The following BIN1 variants were observed in gnomAD, a reference collection of about 807,000 sequenced individuals.
BIN1 encodes the protein myc box-dependent-interacting protein 1.
Under a neutral mutation model 82.0 loss-of-function variants are expected in BIN1, and 53 were observed. That is an observed-to-expected ratio of 0.65 (90% CI 0.52 to 0.81). The LOEUF is 0.81. Among genes scored for constraint, BIN1 ranks in the 40% least tolerant of loss-of-function variants. The pLI, the probability that BIN1 is intolerant of heterozygous loss-of-function variation, is 0.00. For missense variants in BIN1, 642 were observed against 784.4 expected (o/e 0.82, Z 2.17); for synonymous variants, 302 against 328.0 (o/e 0.92, Z 0.86).
At chr2:127,072,152 G>T (rs1006185063) in intron 2 of BIN1, among the ~76,000 whole-genome samples, 3 of 152,240 alleles carry the variant, frequency 2.0e-5, no homozygotes, top group African/African-American at 7.2e-5. Context: ...CTTCATGCTT[G>T]CGCAAGAGCC....
At chr2:127,105,506 C>A in intron 1 of BIN1, among the ~76,000 whole-genome samples, 1 of 131,886 alleles carries the variant, frequency 7.6e-6, no homozygotes, top group African/African-American at 2.7e-5. Context: ...CTCCTCCTTC[C>A]CTGGGGTGGG....
chr2:127,103,749 G>A (rs978202658), intron 1 of BIN1, among the ~76,000 whole-genome samples: 2 of 152,062 alleles, frequency 1.3e-5, no homozygotes, highest in South Asian at 2.1e-4. Flanking sequence ...AATCCTCCCC[G>A]TCATCTGACC....
chr2:127,067,745 G>A lies in BIN1; in HGVS notation c.612+418C>T, dbSNP rs1196312865. Among the ~76,000 whole-genome samples, 1 of 152,184 alleles carries A rather than the reference G, an allele frequency of 6.6e-6. No homozygotes were observed. Among genetic ancestry groups the A allele is most frequent in the African/African-American group, 2.4e-5 (1 of 41,440 alleles). The stretch of plus-strand genomic sequence containing the variant: ...TGTGCCTCTCTGGGCAGCTTTCTCT[G>A]CTCAGTAAATTCAAGATGATCTCAG... On this transcript the variant is annotated intron_variant, in intron 7 of 18. Coordinates refer to ENST00000316724, the MANE Select transcript of BIN1 (RefSeq NM_139343.3). This position sits in a 1 kb window ranked among gnomAD's most constrained non-coding sequence, Gnocchi z 4.7.
rs1685371971 is a variant in BIN1 at position 127,068,082 on chromosome 2, C to T, written c.612+81G>A. 7.1e-7 allele frequency: 1 copy of T among 1,417,504 alleles called. No individual in the cohort carries two copies. The highest frequency in any genetic ancestry group is 1.2e-5 in the South Asian group (1 of 82,430). The allele number at this position is 1,417,504 out of a possible 1,614,324, so 87.8% of individuals were successfully genotyped here. A position where few individuals can be genotyped will look rare whatever the true frequency, so the allele number is the denominator to read the frequency against. On this transcript the variant is annotated intron_variant, in intron 7 of 18. Coordinates refer to ENST00000316724, the MANE Select transcript of BIN1 (RefSeq NM_139343.3). The surrounding 1 kb of genome is among the most constrained non-coding windows in gnomAD (Gnocchi z 4.9). ...GCCCCAGCTGGGCTCAGATGCCAGC[C>T]CTGCATTCCACCGCAGGGCGAGAGG...
chr2:127,073,993 G>A (rs1056565890), intron 2 of BIN1, among the ~76,000 whole-genome samples: 1 of 143,196 alleles, frequency 7.0e-6, no homozygotes, highest in Non-Finnish European at 1.6e-5. Flanking sequence ...GGTCCTTGGA[G>A]AGCAGGTGAC....
At chr2:127,066,420 G>A (rs1685161730) in intron 7 of BIN1, among the ~76,000 whole-genome samples, 1 of 152,192 alleles carries the variant, frequency 6.6e-6, no homozygotes, top group South Asian at 2.1e-4. Flanking sequence ...ACCTGTCCCA[G>A]GAGCCCAAAA....
intron 9 of BIN1, 88 bp from the exon 10 acceptor site, chr2:127,062,285 C>T (rs1010888867): frequency 1.1e-5 from 14 of 1,252,618 alleles, no homozygotes; most frequent in East Asian, 1.0e-4. Context: ...CTCCCCACCA[C>T]CCCCAGCCCC....
rs1275996958 is a variant in BIN1 at position 127,071,494 on chromosome 2, AG to A, written c.166-679del. 2.6e-5 allele frequency among the ~76,000 whole-genome samples: 4 copies of A among 152,312 alleles called. No individual in the cohort carries two copies. The East Asian group carries it at 5.8e-4, about 22-fold the overall frequency. ...GGCTGGGTGGTGAAGCTCCCTGAGC[AG>A]GGAGAGTGTCCTCCAGGGGCTTCCT... On this transcript the variant is annotated intron_variant, in intron 2 of 18. Coordinates refer to ENST00000316724, the MANE Select transcript of BIN1 (RefSeq NM_139343.3).
At position 127,048,312 on chromosome 2, in the gene BIN1, C is replaced by T. The variant is rs886054832; in HGVS notation, c.*214G>A. The T allele has an allele frequency of 7.0e-6, 4 of 569,654 alleles. No homozygotes were observed. Among genetic ancestry groups the T allele is most frequent in the Admixed American group, 5.9e-5 (2 of 33,922 alleles). The allele number at this position is 569,654 out of a possible 1,614,324, so 35.3% of individuals were successfully genotyped here. ...ACTCAACTAGAGGACACAGCAGCTT[C>T]AGGAACACTGGTGAATTCCGCCGGA... On this transcript the variant is annotated 3_prime_UTR_variant, in exon 19 of 19. Transcript: ENST00000316724.
At chr2:127,105,498 C>CCTCCTCCTCCTCCTCCTT in intron 1 of BIN1, among the ~76,000 whole-genome samples, 1 of 136,782 alleles carries the variant, frequency 7.3e-6, no homozygotes, top group Admixed American at 7.2e-5. Flanking sequence ...TCCTCCTCCT[C>CCTCCTCCTCCTCCTCCTT]CTCCTTCCCT....
chr2:127,058,876 C>T, intron 11 of BIN1, 135 bp downstream of exon 11: 2 of 1,359,202 alleles, frequency 1.5e-6, no homozygotes, highest in Non-Finnish European at 2.0e-6. Context: ...GGCCCAACCC[C>T]CACTGGGCAA....
rs1460078913 is a variant in BIN1 at position 127,090,263 on chromosome 2, T to C, written c.85-13557A>G. 1.3e-5 allele frequency among the ~76,000 whole-genome samples: 2 copies of C among 152,196 alleles called. No homozygotes were observed. Among genetic ancestry groups the C allele is most frequent in the Non-Finnish European group, 2.9e-5 (2 of 68,028 alleles). On this transcript the variant is annotated intron_variant, in intron 1 of 18. Coordinates refer to ENST00000316724, the MANE Select transcript of BIN1 (RefSeq NM_139343.3). The surrounding 1 kb of genome is among the most constrained non-coding windows in gnomAD (Gnocchi z 6.4). ...ACCAAACAGCTGAAGACAGTGGCCA[T>C]CGCAGCAAGGCCAGCCTGGTGCAAC...
At chr2:127,079,874 A>C (rs1398417572) in intron 1 of BIN1, among the ~76,000 whole-genome samples, 1 of 152,082 alleles carries the variant, frequency 6.6e-6, no homozygotes, top group Non-Finnish European at 1.5e-5. Flanking sequence ...TCCCAGACAA[A>C]ATGGAAGGGT....
At position 127,067,940 on chromosome 2, in the gene BIN1, T is replaced by C. The variant is rs369153836; in HGVS notation, c.612+223A>G. On this transcript the variant is annotated intron_variant, in intron 7 of 18. Coordinates refer to ENST00000316724, the MANE Select transcript of BIN1 (RefSeq NM_139343.3). This position sits in a 1 kb window ranked among gnomAD's most constrained non-coding sequence, Gnocchi z 4.7. ...CACAGATGCAGCCACGGAGCGGGCATAGCTATGCCCCCACCCAGGTCACAC... is the reference window on the plus strand; with the variant it reads ...CACAGATGCAGCCACGGAGCGGGCACAGCTATGCCCCCACCCAGGTCACAC... Among the ~76,000 whole-genome samples, 1 of 152,088 alleles carries C rather than the reference T, an allele frequency of 6.6e-6. No homozygotes were observed. Among genetic ancestry groups the C allele is most frequent in the African/African-American group, 2.4e-5 (1 of 41,406 alleles).
intron 15 of BIN1, 134 bp downstream of exon 15, chr2:127,052,121 C>A: frequency 1.0e-6 from 1 of 1,001,152 alleles, no homozygotes; most frequent in South Asian, 1.4e-5. Flanking sequence ...GGCAGCCTAG[C>A]TCAGGACCCT....
intron 1 of BIN1, among the ~76,000 whole-genome samples, chr2:127,087,652 A>G (rs1356035001): frequency 1.3e-5 from 2 of 152,202 alleles, no homozygotes; most frequent in Non-Finnish European, 2.9e-5. Context: ...CAGAGCAGGA[A>G]CCGCTCATCC....
At chr2:127,062,631 C>T (rs568537418) in intron 9 of BIN1, among the ~76,000 whole-genome samples, 32 of 152,322 alleles carry the variant, frequency 2.1e-4, no homozygotes, top group African/African-American at 7.7e-4. Context: ...TCCTCACACA[C>T]GGTGATTCTC....
chr2:127,101,865 A>G (rs749008), intron 1 of BIN1, among the ~76,000 whole-genome samples: 58,055 of 151,972 alleles, frequency 0.38, 11,304 homozygotes, highest in African/African-American at 0.45. Flanking sequence ...AGCCTGATCA[A>G]CCCCAGGCTC....
intron 1 of BIN1, among the ~76,000 whole-genome samples, chr2:127,088,196 GA>G (rs1317421353): frequency 6.6e-6 from 1 of 152,214 alleles, no homozygotes; most frequent in Non-Finnish European, 1.5e-5. Flanking sequence ...AGTTCCTTGA[GA>G]GGGGTGCCAA....
Sources: allele counts gnomAD v4.1 joint callset (sites outside exome capture counted in the v4.1 genomes callset), GRCh38; gene constraint gnomAD v4.1.1; non-coding constraint Gnocchi (gnomAD v3.1); transcripts MANE v1.5; gene names NCBI Gene and HGNC (gene_info 2026-07-23, HGNC 2026-07-21).